ASPH: variants seen among roughly 807,000 people sequenced by gnomAD.
ASPH encodes aspartyl/asparaginyl beta-hydroxylase.
A neutral mutation model predicts 118.4 loss-of-function variants in ASPH; 100 were observed. The ratio of observed to expected loss-of-function variants is 0.84; its 90% CI spans 0.72 to 1.00. The LOEUF is 1.00. Ranked by LOEUF, ASPH falls within the 50% of genes least tolerant of loss-of-function variation. The probability of loss-of-function intolerance (pLI) is 0.00; values close to 1 mark genes in which losing one functional copy is unlikely to be tolerated. For missense variants in ASPH, 920 were observed against 919.5 expected (o/e 1.00, Z -0.01); for synonymous variants, 315 against 325.6 (o/e 0.97, Z 0.35).
intron 4 of ASPH, among the ~76,000 whole-genome samples, chr8:61,653,233 T>C (rs1291035925): frequency 3.9e-5 from 6 of 152,138 alleles, no homozygotes; most frequent in Non-Finnish European, 7.4e-5. Context: ...ATAACACTAG[T>C]AGTGTAGAAT....
At chr8:61,612,802 C>T (rs1277948889) in intron 14 of ASPH, among the ~76,000 whole-genome samples, 1 of 152,132 alleles carries the variant, frequency 6.6e-6, no homozygotes, top group Non-Finnish European at 1.5e-5. Flanking sequence ...CTGAAAAATG[C>T]TTAACTCATA....
Position 61,684,144 on chromosome 8 carries a change from A to G in ASPH, c.148T>C (p.Ser50Pro). ...AACCACGTGAAGAATGAAGTTCCTG[A>G]GAGTCCGCCTTTCCTCCCATTCTTG... The part of the protein sequence containing the change: ...GHKNGRKGGL[S>P]GTSFFTWFMV... The change falls in exon 2 of 25, where the codon TCA becomes CCA. Residue 50 changes from serine to proline, a missense_variant. Physicochemically the swap from Ser to Pro is moderately conservative, Grantham distance 74. Transcript: ENST00000379454. The G allele has an allele frequency of 1.2e-6, 2 of 1,613,658 alleles. No individual in the cohort carries two copies. Among genetic ancestry groups the G allele is most frequent in the Non-Finnish European group, 1.7e-6 (2 of 1,179,702 alleles).
intron 1 of ASPH, among the ~76,000 whole-genome samples, chr8:61,713,073 C>G (rs185450386): frequency 3.3e-5 from 5 of 152,340 alleles, no homozygotes; most frequent in Admixed American, 2.6e-4. Context: ...CACAAACTTT[C>G]ACTTATGTCA....
In ASPH at chr8:61,612,030, G is replaced by GA. The variant is rs149275503; in HGVS notation, c.976+6947dup. Among the ~76,000 whole-genome samples, 288 of 140,310 alleles carry GA rather than the reference G, an allele frequency of 2.1e-3. 1 individual carries two copies. The highest frequency in any genetic ancestry group is 3.6e-3 in the Middle Eastern group (1 of 278). 92.0% of individuals were successfully genotyped at this position (140,310 alleles called of 152,430 possible). ...TAGGAATCACCTGACCCAGTCTCAG[G>GA]AAAAAAAAAAAAAGGAGCCAACTGC... On this transcript the variant is annotated intron_variant, in intron 14 of 24. Coordinates refer to ENST00000379454, the MANE Select transcript of ASPH (RefSeq NM_004318.4).
intron 14 of ASPH, among the ~76,000 whole-genome samples, chr8:61,609,746 T>A (rs977008694): frequency 6.6e-6 from 1 of 152,202 alleles, no homozygotes; most frequent in African/African-American, 2.4e-5. Flanking sequence ...ATTAGAAGAA[T>A]GAAAAGTGCT....
At chr8:61,637,289 T>C (rs1030069291) in intron 12 of ASPH, among the ~76,000 whole-genome samples, 1 of 152,112 alleles carries the variant, frequency 6.6e-6, no homozygotes, top group African/African-American at 2.4e-5. Flanking sequence ...CTATGAAACC[T>C]AGGGCTAGCC....
In ASPH at chr8:61,503,304, T is replaced by C; in HGVS notation, c.*55A>G. The C allele has an allele frequency of 3.2e-6, 5 of 1,549,508 alleles. No individual in the cohort carries two copies. Among genetic ancestry groups the C allele is most frequent in the Admixed American group, 1.8e-5 (1 of 55,636 alleles). On this transcript the variant is annotated 3_prime_UTR_variant, in exon 25 of 25. Coordinates refer to ENST00000379454, the MANE Select transcript of ASPH (RefSeq NM_004318.4). ...AATTCTATCCTCACACCCAAGGAGA[T>C]GGAACCAGAAAGGCAGCCTCTCTCC...
intron 21 of ASPH, among the ~76,000 whole-genome samples, chr8:61,543,522 ATTTCT>A (rs993603701): frequency 2.6e-5 from 4 of 152,070 alleles, no homozygotes; most frequent in Non-Finnish European, 4.4e-5. Flanking sequence ...CATTGTAATA[ATTTCT>A]TTTAAGTCTT....
chr8:61,549,759 T>A (rs1463726365), intron 20 of ASPH, among the ~76,000 whole-genome samples: 1 of 152,194 alleles, frequency 6.6e-6, no homozygotes, highest in Non-Finnish European at 1.5e-5. Context: ...ACAGATTGTT[T>A]TTTCAAAAAT....
Position 61,710,639 on chromosome 8 carries a change from C to A in ASPH, c.103+3630G>T, listed in dbSNP as rs114790244. Among the ~76,000 whole-genome samples the A allele has an allele frequency of 5.0e-3, 762 of 152,278 alleles. 8 individuals carry two copies. The highest frequency in any genetic ancestry group is 0.017 in the African/African-American group (722 of 41,576). On this transcript the variant is annotated intron_variant, in intron 1 of 24. Transcript: ENST00000379454. ...GGACAAAATGCTGTTGAACTGAACA[C>A]AAAATAGCTGACGGTTCTTGCAGTG...
intron 1 of ASPH, chr8:61,687,434 A>C (rs1477212079): frequency 6.6e-6 from 1 of 152,224 alleles, no homozygotes; most frequent in Non-Finnish European, 1.5e-5. Context: ...TTTATTTTAG[A>C]TGTGATTCTA....
chr8:61,633,592 C>T, intron 13 of ASPH, 91 bp downstream of exon 13: 1 of 1,147,616 alleles, frequency 8.7e-7, no homozygotes. Flanking sequence ...AAATTTTTAT[C>T]CTTCGTAGAT....
rs1222669179 is a variant in ASPH at position 61,503,603 on chromosome 8, T to C, written c.2127-94A>G. On this transcript the variant is annotated intron_variant, in intron 24 of 24. Transcript: ENST00000379454. ...GTCCATGTGCGAGAACTACCTTTGGTAACAACCTTTGGGACATAACCAAAT... is the reference window on the plus strand; with the variant it reads ...GTCCATGTGCGAGAACTACCTTTGGCAACAACCTTTGGGACATAACCAAAT... The C allele has an allele frequency of 2.4e-6, 3 of 1,275,732 alleles. No individual in the cohort carries two copies. In the African/African-American group the frequency reaches 4.5e-5, roughly 19 times the overall value. 79.0% of individuals were successfully genotyped at this position (1,275,732 alleles called of 1,614,324 possible).
intron 13 of ASPH, among the ~76,000 whole-genome samples, chr8:61,631,092 G>T (rs1855370047): frequency 6.6e-6 from 1 of 152,006 alleles, no homozygotes. Flanking sequence ...TTTTTGTATG[G>T]CTATATGATA....
At chr8:61,682,585 A>C (rs980562860) in intron 2 of ASPH, 143 of 1,113,736 alleles carry the variant, frequency 1.3e-4, no homozygotes, top group Admixed American at 1.1e-4. Context: ...ATATCACTGT[A>C]AGTCAGTCAA....
At chr8:61,515,120 A>C (rs1220382938) in intron 24 of ASPH, among the ~76,000 whole-genome samples, 2 of 152,020 alleles carry the variant, frequency 1.3e-5, no homozygotes, top group Non-Finnish European at 2.9e-5. Flanking sequence ...TGAAAGAACA[A>C]ATAGGCTGTA....
intron 3 of ASPH, chr8:61,658,794 G>T (rs992443329): frequency 2.6e-5 from 4 of 151,916 alleles, no homozygotes; most frequent in Admixed American, 2.0e-4. Context: ...ACACACACAC[G>T]GTTTTCTTCT....
chr8:61,651,693 T>C (rs1056829069), intron 4 of ASPH, among the ~76,000 whole-genome samples: 2 of 152,206 alleles, frequency 1.3e-5, no homozygotes, highest in Admixed American at 6.5e-5. Flanking sequence ...TAACTGACAA[T>C]CCTTTCAGCT....
chr8:61,621,113 T>C lies in ASPH; in HGVS notation c.935-2094A>G, dbSNP rs186461784. On this transcript the variant is annotated intron_variant, in intron 13 of 24. Transcript: ENST00000379454. ...TTCCCATGCTGTATCTAAAAGGGGG[T>C]TGGCAGTCTGACCTAAAGCCTGGAC... 1.4e-3 allele frequency among the ~76,000 whole-genome samples: 218 copies of C among 152,024 alleles called. 1 individual carries two copies. The highest frequency in any genetic ancestry group is 4.5e-3 in the African/African-American group (186 of 41,474).
Sources: gnomAD v4.1 joint callset for allele counts (sites outside exome capture counted in the v4.1 genomes callset) on GRCh38, gnomAD v4.1.1 for gene constraint, MANE v1.5 for transcripts, NCBI Gene and HGNC (gene_info 2026-07-23, HGNC 2026-07-21) for gene names.